The following ESF1 variants were observed in gnomAD, a reference collection of about 807,000 sequenced individuals.
The protein encoded by ESF1 is ESF1 nucleolar pre-rRNA processing protein.
Under a neutral mutation model 92.0 loss-of-function variants are expected in ESF1, and 58 were observed. The ratio of observed to expected loss-of-function variants is 0.63; its 90% CI spans 0.51 to 0.78. ESF1 has a LOEUF of 0.78. Among genes scored for constraint, ESF1 ranks in the 30% least tolerant of loss-of-function variants. ESF1 has a pLI of 0.00. For missense variants in ESF1, 922 were observed against 989.1 expected (o/e 0.93, Z 0.91); for synonymous variants, 321 against 313.7 (o/e 1.02, Z -0.24).
At position 13,775,974 on chromosome 20, in the gene ESF1, T is replaced by G; in HGVS notation, c.934A>C (p.Ser312Arg). The G allele has an allele frequency of 1.2e-6, 2 of 1,613,944 alleles. No homozygotes were observed. Among genetic ancestry groups the G allele is most frequent in the Non-Finnish European group, 1.7e-6 (2 of 1,179,914 alleles). The change falls in exon 3 of 14, where the codon AGT (serine) becomes CGT (arginine). Residue 312 changes from serine to arginine, a missense_variant. Transcript: ENST00000617257. ...GCCGTATCATCTTCATCTTCAGAAC[T>G]AGTTTCTATATTTCCTTTACCCCTT... Reference protein sequence around the residue: ...LARGKGNIETSSEDEDDTADL... With the variant: ...LARGKGNIETRSEDEDDTADL...
At chr20:13,756,289 G>T (rs1978891905) in intron 9 of ESF1, among the ~76,000 whole-genome samples, 2 of 152,230 alleles carry the variant, frequency 1.3e-5, no homozygotes, top group South Asian at 4.1e-4. Context: ...ATGTACATAA[G>T]GATTCACAGA....
chr20:13,784,325 A>T (rs1280089940), intron 1 of ESF1, among the ~76,000 whole-genome samples: 1 of 139,296 alleles, frequency 7.2e-6, no homozygotes, highest in Non-Finnish European at 1.6e-5. Flanking sequence ...TTTCTTATTT[A>T]AAAATCAAGT....
chr20:13,760,663 C>CG (rs1380178746), intron 8 of ESF1, among the ~76,000 whole-genome samples: 1 of 149,758 alleles, frequency 6.7e-6, no homozygotes, highest in African/African-American at 2.5e-5. Context: ...GGGAGGGAGG[C>CG]GGGGGGTCAG....
intron 11 of ESF1, among the ~76,000 whole-genome samples, chr20:13,722,631 C>T (rs2049875430): frequency 6.6e-6 from 1 of 152,040 alleles, no homozygotes; most frequent in Non-Finnish European, 1.5e-5. Context: ...AGGAAGATTG[C>T]TTGAAGCCAG....
chr20:13,757,447 G>C (rs961623754), intron 9 of ESF1, among the ~76,000 whole-genome samples: 2 of 152,132 alleles, frequency 1.3e-5, no homozygotes, highest in Non-Finnish European at 2.9e-5. Context: ...GCCTAGGCTG[G>C]AGTGCAGTGG....
In ESF1 at chr20:13,715,051, C is replaced by T; in HGVS notation, c.2379G>A (p.Lys793=). ...GTTCTTTCCGTTCTCTTTGCCGGGCCTTCTCCTCAAGGATTTTTTCCATAG... is the reference window on the plus strand; with the variant it reads ...GTTCTTTCCGTTCTCTTTGCCGGGCTTTCTCCTCAAGGATTTTTTCCATAG... ...TKAMEKILEE[K]ARQRERKEQE... The change falls in exon 14 of 14, where the codon AAG becomes AAA. Residue 793 remains lysine, a synonymous_variant. Transcript: ENST00000617257. 1.9e-6 allele frequency: 3 copies of T among 1,613,678 alleles called. No individual in the cohort carries two copies. The highest frequency in any genetic ancestry group is 1.1e-5 in the South Asian group (1 of 91,054).
chr20:13,731,190 A>G lies in ESF1; in HGVS notation c.1950+2531T>C, dbSNP rs1390861105. ...AGCTGCTACAATTCTCAGAATGACTACTTTATTGACCCCATGAGGGCCCAC... is the reference window on the plus strand; with the variant it reads ...AGCTGCTACAATTCTCAGAATGACTGCTTTATTGACCCCATGAGGGCCCAC... On this transcript the variant is annotated intron_variant, in intron 10 of 13. Transcript: ENST00000617257. 2.0e-5 allele frequency among the ~76,000 whole-genome samples: 3 copies of G among 152,168 alleles called. No individual in the cohort carries two copies. The East Asian group carries it at 5.8e-4, about 29-fold the overall frequency.
Position 13,757,154 on chromosome 20 carries a change from C to T in ESF1, c.1828+2538G>A, listed in dbSNP as rs574915018. On this transcript the variant is annotated intron_variant, in intron 9 of 13. Transcript: ENST00000617257. ...ATTTTACATTTTCACTTCATAAGGT[C>T]AACATTACCCTAATACCAAAAACCA... Among the ~76,000 whole-genome samples the T allele has an allele frequency of 4.5e-3, 684 of 152,094 alleles. 3 individuals are homozygous for T. Among genetic ancestry groups the T allele is most frequent in the Middle Eastern group, 0.01 (3 of 294 alleles).
chr20:13,752,166 A>G (rs1600281691), intron 9 of ESF1, among the ~76,000 whole-genome samples: 1 of 152,332 alleles, frequency 6.6e-6, no homozygotes, highest in East Asian at 1.9e-4. Context: ...TTTTTATTAC[A>G]CATTTCAAAC....
intron 11 of ESF1, among the ~76,000 whole-genome samples, chr20:13,719,319 T>C (rs1456219057): frequency 1.3e-5 from 2 of 152,066 alleles, no homozygotes; most frequent in Non-Finnish European, 1.5e-5. Flanking sequence ...TGATTAACAT[T>C]CAACATCCAT....
At chr20:13,769,171 T>G (rs117216197) in intron 7 of ESF1, among the ~76,000 whole-genome samples, 2,854 of 152,328 alleles carry the variant, frequency 0.019, 33 homozygotes, top group Non-Finnish European at 0.028. Flanking sequence ...TAATAACTGA[T>G]GTATTAGAGT....
chr20:13,717,808 C>T (rs1226837149), intron 12 of ESF1, among the ~76,000 whole-genome samples: 3 of 152,180 alleles, frequency 2.0e-5, no homozygotes, highest in African/African-American at 7.2e-5. Context: ...GCTGCAGGAA[C>T]AAGAGTCCCC....
At chr20:13,767,155 C>T (rs765790645) in intron 7 of ESF1, among the ~76,000 whole-genome samples, 18 of 152,120 alleles carry the variant, frequency 1.2e-4, no homozygotes, top group Non-Finnish European at 2.1e-4. Context: ...CAGGATACTC[C>T]ATCACTGACA....
At chr20:13,784,562 C>T (rs1452462666) in intron 1 of ESF1, among the ~76,000 whole-genome samples, 3 of 152,126 alleles carry the variant, frequency 2.0e-5, no homozygotes, top group Non-Finnish European at 4.4e-5. Context: ...CCGACACGCG[C>T]CCGCATCCCC....
chr20:13,750,236 G>A (rs1978567847), intron 9 of ESF1, among the ~76,000 whole-genome samples: 1 of 152,310 alleles, frequency 6.6e-6, no homozygotes. Context: ...TGGGCCCAGT[G>A]GCTCACGCCT....
intron 9 of ESF1, among the ~76,000 whole-genome samples, chr20:13,747,894 G>T (rs1196498184): frequency 6.6e-6 from 1 of 152,148 alleles, no homozygotes; most frequent in Non-Finnish European, 1.5e-5. Context: ...TAGGTTACAT[G>T]GTATGACCTA....
intron 9 of ESF1, among the ~76,000 whole-genome samples, chr20:13,748,203 A>G (rs6042336): frequency 0.73 from 111,412 of 151,936 alleles, 41,243 homozygotes; most frequent in East Asian, 0.9. Context: ...CAGAATCTAC[A>G]AAAAATCTGT....
At position 13,759,859 on chromosome 20, in the gene ESF1, G is replaced by GAA; in HGVS notation, c.1667-8_1667-7dup. ...TACATTGACTCCATCATCACCTAAT[G>GAA]AAAAAAAAATTCACTTAATACACAG... is the stretch of plus-strand genomic sequence containing the variant. On this transcript the variant is annotated splice_polypyrimidine_tract_variant and splice_region_variant and intron_variant, in intron 8 of 13. Coordinates refer to ENST00000617257, the MANE Select transcript of ESF1 (RefSeq NM_001276380.2). The GAA allele has an allele frequency of 6.4e-7, 1 of 1,566,810 alleles. No individual in the cohort carries two copies.
intron 8 of ESF1, among the ~76,000 whole-genome samples, chr20:13,761,753 A>C (rs1979211106): frequency 6.6e-6 from 1 of 152,260 alleles, no homozygotes; most frequent in African/African-American, 2.4e-5. Flanking sequence ...TAATTAAAAT[A>C]CAAAGAAACA....
Sources: gnomAD v4.1 joint callset for allele counts (sites outside exome capture counted in the v4.1 genomes callset) on GRCh38, gnomAD v4.1.1 for gene constraint, MANE v1.5 for transcripts, NCBI Gene and HGNC (gene_info 2026-07-23, HGNC 2026-07-21) for gene names.